VRK3: variants seen among roughly 807,000 people sequenced by gnomAD.
The protein encoded by VRK3 is serine/threonine-protein kinase VRK3.
Under a neutral mutation model 60.4 loss-of-function variants are expected in VRK3, and 50 were observed. The observed-to-expected ratio is 0.83, with a 90% confidence interval of 0.66 to 1.05. The LOEUF (loss-of-function observed/expected upper bound fraction) is 1.05, where lower values mean the gene tolerates loss of function less well. VRK3 is among the 50% of genes least tolerant of loss of function. The pLI is 0.00. For missense variants in VRK3, 549 were observed against 585.3 expected, an observed-to-expected ratio of 0.94 and a Z score of 0.64; for synonymous variants, 246 against 227.8, an observed-to-expected ratio of 1.08 and a Z score of -0.72.
chr19:50,017,172 CAAG>C (rs2077092260), intron 2 of VRK3, among the ~76,000 whole-genome samples: 1 of 151,096 alleles, frequency 6.6e-6, no homozygotes, highest in South Asian at 2.1e-4. Flanking sequence ...CCAGCCTGGA[CAAG>C]AAGAGTGAAA....
intron 9 of VRK3, among the ~76,000 whole-genome samples, chr19:49,994,318 C>T (rs1235987316): frequency 6.6e-6 from 1 of 152,238 alleles, no homozygotes; most frequent in African/African-American, 2.4e-5. Flanking sequence ...ATGCTGCTCC[C>T]TGCTCTGCAC....
intron 5 of VRK3, 151 bp downstream of exon 5, chr19:50,007,418 G>C: frequency 3.4e-6 from 4 of 1,169,296 alleles, no homozygotes; most frequent in Non-Finnish European, 3.6e-6. Context: ...CAGGTGGGTA[G>C]GTATAGAGTC....
At chr19:49,980,186 G>A (rs1394163341) in intron 13 of VRK3, among the ~76,000 whole-genome samples, 6 of 152,096 alleles carry the variant, frequency 3.9e-5, no homozygotes, top group African/African-American at 1.4e-4. Flanking sequence ...AGCTCTTCAG[G>A]AGGGGCACAA....
chr19:49,991,533 ACG>A (rs996627711), intron 10 of VRK3, among the ~76,000 whole-genome samples: 18 of 151,774 alleles, frequency 1.2e-4, no homozygotes, highest in African/African-American at 4.4e-4. Context: ...ACACACACAC[ACG>A]CACACACACA....
At chr19:49,997,695 C>T in intron 6 of VRK3, 125 bp from the exon 7 acceptor site, 1 of 985,710 alleles carries the variant, frequency 1.0e-6, no homozygotes, top group Non-Finnish European at 1.5e-6. Flanking sequence ...CACATCGGAG[C>T]CAAATTCCTC....
intron 5 of VRK3, among the ~76,000 whole-genome samples, chr19:50,006,401 A>C (rs1258510591): frequency 3.3e-5 from 5 of 151,004 alleles, no homozygotes; most frequent in Non-Finnish European, 5.9e-5. Flanking sequence ...TTTGAGACGG[A>C]GTCTCGCTCT....
At chr19:49,984,285 T>C (rs1311591924) in intron 12 of VRK3, among the ~76,000 whole-genome samples, 1 of 152,190 alleles carries the variant, frequency 6.6e-6, no homozygotes, top group Admixed American at 6.5e-5. Context: ...AACCTGGCAC[T>C]GAATGCGTAA....
chr19:49,981,887 TG>T, intron 12 of VRK3: 1 of 1,120,146 alleles, frequency 8.9e-7, no homozygotes, highest in Non-Finnish European at 1.2e-6. Context: ...AGATTTTAAC[TG>T]GTAGGTTCAA....
chr19:50,021,451 C>G (rs188378960), intron 1 of VRK3, among the ~76,000 whole-genome samples: 513 of 152,318 alleles, frequency 3.4e-3, no homozygotes, highest in Non-Finnish European at 6.0e-3. Flanking sequence ...CCAGTTTCCA[C>G]GGCATGAGGC....
intron 2 of VRK3, chr19:50,019,099 A>T (rs2077121959): frequency 7.2e-6 from 1 of 139,192 alleles, no homozygotes; most frequent in Non-Finnish European, 1.5e-5. Flanking sequence ...CGGGAGGCGG[A>T]GCTTGCAGTG....
Position 49,981,753 on chromosome 19 carries a change from C to T in VRK3, c.1218-740G>A, listed in dbSNP as rs898631322. Reference sequence around the variant, plus strand: ...ACAGGTCCTGGGGGCACACCGCACACCCAAAGGTGACCTCCCCACCCGTCC... The same window carrying T: ...ACAGGTCCTGGGGGCACACCGCACATCCAAAGGTGACCTCCCCACCCGTCC... On this transcript the variant is annotated intron_variant, in intron 12 of 14. Transcript: ENST00000316763. 25 of 1,028,558 alleles carry T rather than the reference C, an allele frequency of 2.4e-5. No homozygotes were observed. In the Admixed American group the frequency reaches 3.2e-4, roughly 13 times the overall value. The allele number at this position is 1,028,558 out of a possible 1,614,324, so 63.7% of individuals were successfully genotyped here.
chr19:49,983,375 A>C (rs1196223650), intron 12 of VRK3, among the ~76,000 whole-genome samples: 1 of 152,082 alleles, frequency 6.6e-6, no homozygotes, highest in Non-Finnish European at 1.5e-5. Context: ...GCCTCCCAAG[A>C]AGTCTTCCCC....
chr19:50,012,085 C>T (rs1369581246), intron 3 of VRK3, among the ~76,000 whole-genome samples: 1 of 152,078 alleles, frequency 6.6e-6, no homozygotes, highest in Admixed American at 6.5e-5. Flanking sequence ...GATTCTCCTG[C>T]CTCAGCCTCC....
intron 3 of VRK3, among the ~76,000 whole-genome samples, chr19:50,010,114 CAT>C (rs1332970636): frequency 1.3e-5 from 2 of 151,958 alleles, no homozygotes; most frequent in African/African-American, 2.4e-5. Context: ...TATATACACA[CAT>C]ACACATATAT....
chr19:49,978,731 G>A (rs144281009), intron 14 of VRK3: 10 of 186,452 alleles, frequency 5.4e-5, no homozygotes, highest in African/African-American at 1.9e-4. Flanking sequence ...AAGGACAGAG[G>A]GAGGCATGGA....
At chr19:50,006,147 A>T (rs1391303758) in intron 5 of VRK3, among the ~76,000 whole-genome samples, 1 of 150,592 alleles carries the variant, frequency 6.6e-6, no homozygotes, top group Non-Finnish European at 1.5e-5. Context: ...ATAAAAATAA[A>T]AAAATAAAAA....
chr19:49,991,784 T>C (rs771997698), intron 10 of VRK3, among the ~76,000 whole-genome samples: 14 of 152,196 alleles, frequency 9.2e-5, no homozygotes, highest in Non-Finnish European at 1.5e-5. Flanking sequence ...GAGAGCCGGC[T>C]TCCCAATGAC....
chr19:50,000,894 C>T (rs375590209), intron 5 of VRK3, 40 bp from the exon 6 acceptor site: 21 of 1,591,182 alleles, frequency 1.3e-5, no homozygotes, highest in Middle Eastern at 3.5e-4. Context: ...TATAACCACG[C>T]GGAAGGTCAG....
intron 14 of VRK3, among the ~76,000 whole-genome samples, chr19:49,977,397 G>C (rs77668879): frequency 6.6e-6 from 1 of 152,080 alleles, no homozygotes; most frequent in Non-Finnish European, 1.5e-5. Context: ...TCCAGGGAGC[G>C]CGTGGGTGTG....
Sources: allele counts gnomAD v4.1 joint callset (sites outside exome capture counted in the v4.1 genomes callset), GRCh38; gene constraint gnomAD v4.1.1; transcripts MANE v1.5; gene names NCBI Gene and HGNC (gene_info 2026-07-23, HGNC 2026-07-21).